The following FOXP2 variants were observed in gnomAD, a reference collection of about 807,000 sequenced individuals.
FOXP2 encodes the protein forkhead box protein P2.
FOXP2 carries 12 observed loss-of-function variants against 115.8 expected under a neutral mutation model. That is an observed-to-expected ratio of 0.10 (90% CI 0.07 to 0.17). FOXP2 has a LOEUF of 0.17. Among genes scored for constraint, FOXP2 ranks in the 10% least tolerant of loss-of-function variants. The pLI is 1.00. For missense variants in FOXP2, 629 were observed against 843.5 expected (o/e 0.75, Z 3.15); for synonymous variants, 328 against 297.7 (o/e 1.10, Z -1.05).
chr7:114,407,849 A>C (rs1393654279), intron 2 of FOXP2, among the ~76,000 whole-genome samples: 1 of 152,230 alleles, frequency 6.6e-6, no homozygotes, highest in East Asian at 1.9e-4. Context: ...AAGCCCCAAG[A>C]ACCAGCATTC....
chr7:114,692,415 A>C lies in FOXP2; in HGVS notation c.*2489A>C, dbSNP rs886061930. ...CCAAAACTGCAATTGCTTTGAAAAT[A>C]GATTTTAGGTTTTTTGGAGTTTCCT... On this transcript the variant is annotated 3_prime_UTR_variant, in exon 17 of 17. Coordinates refer to ENST00000350908, the MANE Select transcript of FOXP2 (RefSeq NM_014491.4). 10 of 450,400 alleles carry C rather than the reference A, an allele frequency of 2.2e-5. No homozygotes were observed. The Admixed American group carries it at 2.4e-4, about 11-fold the overall frequency. The allele number at this position is 450,400 out of a possible 1,614,324, so 27.9% of individuals were successfully genotyped here.
intron 2 of FOXP2, among the ~76,000 whole-genome samples, chr7:114,514,155 A>G (rs555602404): frequency 6.0e-4 from 91 of 152,148 alleles, no homozygotes; most frequent in Admixed American, 1.3e-3. Context: ...GTATGTATAC[A>G]AAGTTATATT....
At chr7:114,287,906 T>A (rs1160809233) in intron 1 of FOXP2, 6 of 287,960 alleles carry the variant, frequency 2.1e-5, no homozygotes, top group Non-Finnish European at 3.4e-5. Context: ...CATTAACAAT[T>A]TTTATTTTAA....
chr7:114,154,355 C>T (rs1448638331), intron 1 of FOXP2, among the ~76,000 whole-genome samples: 1 of 151,898 alleles, frequency 6.6e-6, no homozygotes, highest in Admixed American at 6.6e-5. Context: ...TCCACCTCTC[C>T]TGCCTATTTG....
At chr7:114,512,606 G>A (rs1000224427) in intron 2 of FOXP2, among the ~76,000 whole-genome samples, 15 of 152,142 alleles carry the variant, frequency 9.9e-5, no homozygotes, top group African/African-American at 3.6e-4. Flanking sequence ...CTGTAGGGAG[G>A]ACAGAGTGAA....
At chr7:114,618,374 G>C (rs981665965) in intron 3 of FOXP2, among the ~76,000 whole-genome samples, 3 of 152,160 alleles carry the variant, frequency 2.0e-5, no homozygotes, top group African/African-American at 4.8e-5. Flanking sequence ...ATCAGAAACA[G>C]AGAATGGAGA....
Position 114,534,696 on chromosome 7 carries a change from G to A in FOXP2, c.248G>A (p.Arg83Lys). 3.1e-6 allele frequency: 5 copies of A among 1,611,254 alleles called. No individual in the cohort carries two copies. The highest frequency in any genetic ancestry group is 3.4e-6 in the Non-Finnish European group (4 of 1,177,980). ...TCTCCTAAGAGCAGTGATAAACAGAGACCACTGCAGGTTAGTAAAGCACTC... is the reference window on the plus strand; with the variant it reads ...TCTCCTAAGAGCAGTGATAAACAGAAACCACTGCAGGTTAGTAAAGCACTC... ...LKSPKSSDKQ[R>K]PLQVPVSVAM... The change falls in exon 3 of 17, where the codon AGA becomes AAA. Residue 83 changes from arginine to lysine, a missense_variant. By Grantham distance (26) the Arg-to-Lys change is conservative. This residue lies in a region of FOXP2 where 91 missense variants were observed against 98.3 expected (regional missense o/e 0.93). Transcript: ENST00000350908.
At chr7:114,262,831 G>A (rs1383267571) in intron 1 of FOXP2, among the ~76,000 whole-genome samples, 4 of 152,070 alleles carry the variant, frequency 2.6e-5, no homozygotes, top group Non-Finnish European at 5.9e-5. Context: ...TGTTGATCAT[G>A]CACACTCATG....
chr7:114,278,384 C>G (rs1796245593), intron 1 of FOXP2, among the ~76,000 whole-genome samples: 1 of 151,002 alleles, frequency 6.6e-6, no homozygotes. Flanking sequence ...GAGATGGAGT[C>G]TCACTCTGTC....
chr7:114,574,657 A>G (rs1014620956), intron 3 of FOXP2, among the ~76,000 whole-genome samples: 32 of 151,872 alleles, frequency 2.1e-4, no homozygotes, highest in African/African-American at 7.2e-4. Flanking sequence ...CCTATCTGCA[A>G]GTAATCTTAT....
intron 1 of FOXP2, among the ~76,000 whole-genome samples, chr7:114,425,384 GT>G (rs1793799602): frequency 6.6e-6 from 1 of 151,480 alleles, no homozygotes; most frequent in Non-Finnish European, 1.5e-5. Context: ...CATCCATTAG[GT>G]TATGGCACAG....
intron 3 of FOXP2, among the ~76,000 whole-genome samples, chr7:114,578,527 C>T (rs1229762): frequency 0.73 from 110,960 of 151,970 alleles, 41,324 homozygotes; most frequent in East Asian, 0.98. Flanking sequence ...GATGATCTGA[C>T]AGTTCTTTAG....
intron 2 of FOXP2, among the ~76,000 whole-genome samples, chr7:114,471,761 C>A (rs562176026): frequency 6.6e-6 from 1 of 151,170 alleles, no homozygotes; most frequent in East Asian, 1.9e-4. Flanking sequence ...ACCAGCCTGG[C>A]CAACATGGTG....
At chr7:114,337,681 A>T (rs1323421819) in intron 2 of FOXP2, among the ~76,000 whole-genome samples, 2 of 151,184 alleles carry the variant, frequency 1.3e-5, no homozygotes, top group Non-Finnish European at 3.0e-5. Context: ...AATTATTGTA[A>T]ATATTAATTG....
intron 2 of FOXP2, among the ~76,000 whole-genome samples, chr7:114,305,178 G>A (rs775475919): frequency 1.3e-5 from 2 of 151,990 alleles, no homozygotes; most frequent in East Asian, 1.9e-4. Flanking sequence ...GATATTTAAC[G>A]TCAACTGAAT....
chr7:114,240,379 T>G (rs573740474), intron 1 of FOXP2, among the ~76,000 whole-genome samples: 18 of 152,236 alleles, frequency 1.2e-4, no homozygotes, highest in African/African-American at 4.3e-4. Flanking sequence ...CTGACATATT[T>G]TATATGTACA....
At chr7:114,444,262 T>C (rs1712872637) in intron 2 of FOXP2, among the ~76,000 whole-genome samples, 1 of 152,164 alleles carries the variant, frequency 6.6e-6, no homozygotes, top group Non-Finnish European at 1.5e-5. Flanking sequence ...ACAGTCCTTT[T>C]TGAAATCTCA....
At chr7:114,379,383 A>T (rs1434343072) in intron 2 of FOXP2, among the ~76,000 whole-genome samples, 1 of 152,114 alleles carries the variant, frequency 6.6e-6, no homozygotes, top group East Asian at 1.9e-4. Context: ...ATTCTTAGTC[A>T]GCCTAGGAAA....
At chr7:114,607,275 TAAG>T (rs1388261879) in intron 3 of FOXP2, among the ~76,000 whole-genome samples, 2 of 152,136 alleles carry the variant, frequency 1.3e-5, no homozygotes, top group East Asian at 1.9e-4. Context: ...TATCACTACT[TAAG>T]AAGAAGATGA....
Sources: allele counts gnomAD v4.1 joint callset (sites outside exome capture counted in the v4.1 genomes callset), GRCh38; gene constraint gnomAD v4.1.1; regional missense constraint gnomAD v4.1.1; transcripts MANE v1.5; gene names NCBI Gene and HGNC (gene_info 2026-07-23, HGNC 2026-07-21).